The following SPNS2 variants were observed in gnomAD, a reference collection of about 807,000 sequenced individuals.
The protein encoded by SPNS2 is SPNS lysolipid transporter 2, sphingosine-1-phosphate.
In SPNS2, 37 loss-of-function variants were observed where a neutral mutation model predicts 57.6. The ratio of observed to expected loss-of-function variants is 0.64; its 90% confidence interval spans 0.49 to 0.85. The LOEUF (loss-of-function observed/expected upper bound fraction) is 0.85, where lower values mean the gene tolerates loss of function less well. Ranked by LOEUF, SPNS2 falls within the 40% of genes least tolerant of loss-of-function variation. The probability of loss-of-function intolerance (pLI) is 0.00; values close to 1 mark genes in which losing one functional copy is unlikely to be tolerated. For synonymous variants in SPNS2, 440 were observed against 346.9 expected (o/e 1.27, Z -2.98); for missense variants, 831 against 779.1 (o/e 1.07, Z -0.79).
At chr17:4,533,518 T>G in intron 8 of SPNS2, 86 bp downstream of exon 8, 1 of 1,386,122 alleles carries the variant, frequency 7.2e-7, no homozygotes, top group Non-Finnish European at 9.7e-7. Flanking sequence ...TCTGACTTAC[T>G]GGATGTTCCC....
In SPNS2 at chr17:4,536,971, G is replaced by C. The variant is rs774956821; in HGVS notation, c.*4+25G>C. The C allele has an allele frequency of 2.5e-6, 4 of 1,610,692 alleles. No individual in the cohort carries two copies. In the Admixed American group the frequency reaches 6.8e-5, roughly 27 times the overall value. On this transcript the variant is annotated intron_variant, in intron 12 of 12. Coordinates refer to ENST00000329078, the MANE Select transcript of SPNS2 (RefSeq NM_001124758.3). ...GGTGAGTGCAGGCCGGGAGGCACGT[G>C]GGGGCTCCCTAAGGAAAGGGGAAGG...
intron 2 of SPNS2, among the ~76,000 whole-genome samples, chr17:4,521,219 T>A (rs1420435222): frequency 6.6e-6 from 1 of 152,184 alleles, no homozygotes; most frequent in Non-Finnish European, 1.5e-5. Flanking sequence ...TTCTGATTCC[T>A]TCTGTCCACT....
rs763906473 is a variant in SPNS2 at position 4,536,148 on chromosome 17, G to T, written c.1417G>T (p.Ala473Ser). 6.2e-7 allele frequency: 1 copy of T among 1,612,242 alleles called. No individual in the cohort carries two copies. The highest frequency in any genetic ancestry group is 1.3e-5 in the African/African-American group (1 of 74,876). The change falls in exon 10 of 13, where the codon GCC becomes TCC. Residue 473 changes from alanine to serine, a missense_variant. By Grantham distance (99) the Ala-to-Ser change is moderately conservative. Coordinates refer to ENST00000329078, the MANE Select transcript of SPNS2 (RefSeq NM_001124758.3). ...CTTCACCTCCCACCTGCTGGGGGAC[G>T]CCGGGAGCCCCTACCTCATTGGCTT... ...QSFTSHLLGD[A>S]GSPYLIGFIS... is the part of the protein sequence containing the mutation.
intron 2 of SPNS2, among the ~76,000 whole-genome samples, chr17:4,524,608 C>G (rs1258838821): frequency 1.3e-5 from 2 of 152,190 alleles, no homozygotes; most frequent in Admixed American, 1.3e-4. Flanking sequence ...TGCTTGAACC[C>G]AGGAGATGGA....
At chr17:4,531,371 C>A (rs1905466069) in intron 5 of SPNS2, among the ~76,000 whole-genome samples, 1 of 152,226 alleles carries the variant, frequency 6.6e-6, no homozygotes, top group Non-Finnish European at 1.5e-5. Flanking sequence ...TTGGAATCTC[C>A]CACCCGGGAG....
At chr17:4,525,976 G>C (rs73972610) in intron 3 of SPNS2, among the ~76,000 whole-genome samples, 2,106 of 152,268 alleles carry the variant, frequency 0.014, 61 homozygotes, top group African/African-American at 0.048. Context: ...CATGCCGGCT[G>C]CTATAGAGAA....
chr17:4,521,324 C>G (rs746846193), intron 2 of SPNS2, among the ~76,000 whole-genome samples: 6 of 152,242 alleles, frequency 3.9e-5, no homozygotes, highest in Non-Finnish European at 5.9e-5. Context: ...CCTCCTGCCA[C>G]ATTCTGATCT....
rs1192695840 is a variant in SPNS2 at position 4,499,069 on chromosome 17, T to TCGG, written c.32_34dup (p.Ala11dup). Reference sequence around the variant, plus strand: ...CGGCATGATGTGCCTGGAATGCGCCTCGGCGGCGGCGGGCGGCGCGGAGGA... The same window carrying TCGG: ...CGGCATGATGTGCCTGGAATGCGCCTCGGCGGCGGCGGCGGGCGGCGCGGAGGA... On this transcript the variant is annotated inframe_insertion, in exon 1 of 13. Coordinates refer to ENST00000329078, the MANE Select transcript of SPNS2 (RefSeq NM_001124758.3). This position sits in a 1 kb window ranked among gnomAD's most constrained non-coding sequence, Gnocchi z 5.2. 9.8e-7 allele frequency: 1 copy of TCGG among 1,018,138 alleles called. No homozygotes were observed. The highest frequency in any genetic ancestry group is 1.0e-4 in the East Asian group (1 of 10,018). The allele number at this position is 1,018,138 out of a possible 1,614,324, so 63.1% of individuals were successfully genotyped here.
rs917216455 is a variant in SPNS2, at chr17:4,499,656, C to T, written c.370+239C>T. The T allele has an allele frequency of 3.3e-5, 12 of 365,848 alleles. No homozygotes were observed. Among genetic ancestry groups the T allele is most frequent in the Non-Finnish European group, 3.9e-5 (8 of 204,890 alleles). 22.7% of individuals were successfully genotyped at this position (365,848 alleles called of 1,614,324 possible). On this transcript the variant is annotated intron_variant, in intron 1 of 12. Coordinates refer to ENST00000329078, the MANE Select transcript of SPNS2 (RefSeq NM_001124758.3). This position sits in a 1 kb window ranked among gnomAD's most constrained non-coding sequence, Gnocchi z 5.2. ...GGCCAAGGGATAGAGGAGTCCCCAC[C>T]CCTGGAGCAGCCCGCGCGTCCTCTC...
rs1004175236 is a variant in SPNS2, at chr17:4,499,345, G to T, written c.298G>T (p.Gly100Trp). The change falls in exon 1 of 13, where the codon GGG becomes TGG. Residue 100 changes from glycine to tryptophan, a missense_variant. Physicochemically the swap from Gly to Trp is radical, Grantham distance 184. Transcript: ENST00000329078. The surrounding 1 kb of genome is among the most constrained non-coding windows in gnomAD (Gnocchi z 5.2). ...QQPKPASLGR[G>W]RGAAAAILSL... ...GCCCAAACCGGCCAGCTTGGGCCGCGGGCGGGGGGCAGCCGCCGCCATCCT... is the reference window on the plus strand; with the variant it reads ...GCCCAAACCGGCCAGCTTGGGCCGCTGGCGGGGGGCAGCCGCCGCCATCCT... The T allele has an allele frequency of 6.9e-7, 1 of 1,454,692 alleles. No individual in the cohort carries two copies. The highest frequency in any genetic ancestry group is 2.6e-5 in the Admixed American group (1 of 37,840). The allele number at this position is 1,454,692 out of a possible 1,614,324, so 90.1% of individuals were successfully genotyped here. A position where few individuals can be genotyped will look rare whatever the true frequency, so the allele number is the denominator to read the frequency against.
At chr17:4,529,913 C>CG (rs1388367430) in intron 3 of SPNS2, among the ~76,000 whole-genome samples, 2 of 152,008 alleles carry the variant, frequency 1.3e-5, no homozygotes, top group Non-Finnish European at 2.9e-5. Context: ...CAGGGAGACC[C>CG]GGGGGAGGGC....
chr17:4,532,801 C>A (rs760667115), intron 6 of SPNS2, 117 bp downstream of exon 6: 25 of 1,462,890 alleles, frequency 1.7e-5, no homozygotes, highest in Non-Finnish European at 2.3e-5. Flanking sequence ...TCTGCTGTCT[C>A]AGTGCTGGGA....
chr17:4,517,293 G>A (rs1859390412), intron 2 of SPNS2, among the ~76,000 whole-genome samples: 1 of 152,066 alleles, frequency 6.6e-6, no homozygotes, highest in Admixed American at 6.5e-5. Flanking sequence ...CATTCCTTAG[G>A]GAATTCTTCA....
intron 3 of SPNS2, among the ~76,000 whole-genome samples, chr17:4,529,962 G>C (rs758123567): frequency 5.7e-4 from 86 of 152,212 alleles, no homozygotes; most frequent in Non-Finnish European, 9.8e-4. Context: ...TGGCCAGGGT[G>C]GGGCTGGGGA....
Position 4,524,556 on chromosome 17 carries a change from T to C in SPNS2, c.437-501T>C, listed in dbSNP as rs147382308. Among the ~76,000 whole-genome samples the C allele has an allele frequency of 9.0e-3, 1,376 of 152,276 alleles. 14 individuals carry two copies. The highest frequency in any genetic ancestry group is 0.031 in the African/African-American group (1,288 of 41,540). ...AGAATTAGCCAAGTGTGGTGGCGCA[T>C]GCCTGTAATGCCAGCTACTCAGGAG... On this transcript the variant is annotated intron_variant, in intron 2 of 12. Coordinates refer to ENST00000329078, the MANE Select transcript of SPNS2 (RefSeq NM_001124758.3).
intron 2 of SPNS2, among the ~76,000 whole-genome samples, chr17:4,518,477 C>T (rs1007830778): frequency 6.6e-6 from 1 of 152,140 alleles, no homozygotes; most frequent in Non-Finnish European, 1.5e-5. Context: ...GAGCCGAGAT[C>T]GCGCCACTGC....
chr17:4,532,909 T>C, intron 6 of SPNS2, 68 bp from the exon 7 acceptor site: 2 of 1,551,512 alleles, frequency 1.3e-6, no homozygotes, highest in African/African-American at 1.4e-5. Context: ...GTTCCCCCAG[T>C]GCATGGGGCT....
At chr17:4,505,617 A>G (rs1314022484) in intron 1 of SPNS2, among the ~76,000 whole-genome samples, 1 of 152,230 alleles carries the variant, frequency 6.6e-6, no homozygotes, top group African/African-American at 2.4e-5. Flanking sequence ...TCTTCTGCAG[A>G]TAGGGCTGGC....
chr17:4,532,542 G>A lies in SPNS2; in HGVS notation c.793G>A (p.Val265Met), dbSNP rs1254486666. 12 of 1,614,048 alleles carry A rather than the reference G, an allele frequency of 7.4e-6. No individual in the cohort carries two copies. Among genetic ancestry groups the A allele is most frequent in the South Asian group, 2.2e-5 (2 of 91,088 alleles). The change falls in exon 6 of 13, where the codon GTG (valine) becomes ATG (methionine). Residue 265 changes from valine (V) to methionine (M), a missense_variant and splice_region_variant. Val to Met is a conservative substitution (Grantham distance 21, BLOSUM62 1). Coordinates refer to ENST00000329078, the MANE Select transcript of SPNS2 (RefSeq NM_001124758.3). ...GTCCTAACTTCCTGCTCTCTGGCAG[G>A]TGTCCCCTGTCCTGGGCATGATCAC... The part of the protein sequence containing the change: ...AAGDWHWALR[V>M]SPVLGMITGT...
Sources: allele counts gnomAD v4.1 joint callset (sites outside exome capture counted in the v4.1 genomes callset), GRCh38; gene constraint gnomAD v4.1.1; non-coding constraint Gnocchi (gnomAD v3.1); transcripts MANE v1.5; gene names NCBI Gene and HGNC (gene_info 2026-07-23, HGNC 2026-07-21).